ZNF407: variants seen among roughly 807,000 people sequenced by gnomAD.
ZNF407 encodes the protein zinc finger protein 407.
A neutral mutation model predicts 131.2 loss-of-function variants in ZNF407; 17 were observed. The ratio of observed to expected loss-of-function variants is 0.13; its 90% CI spans 0.09 to 0.19. The LOEUF (loss-of-function observed/expected upper bound fraction) is 0.19. ZNF407 is among the 10% of genes least tolerant of loss of function. ZNF407 has a pLI of 1.00. For synonymous variants in ZNF407, 1,156 were observed against 1,062.0 expected (o/e 1.09, Z -1.72); for missense variants, 2,681 against 2,830.6 (o/e 0.95, Z 1.20).
intron 8 of ZNF407, among the ~76,000 whole-genome samples, chr18:74,999,926 G>A (rs1448304540): frequency 2.6e-5 from 4 of 152,196 alleles, no homozygotes; most frequent in Non-Finnish European, 5.9e-5. Context: ...GATAGCTTGT[G>A]ATTTCCCTGA....
chr18:74,920,914 G>C, intron 8 of ZNF407: 7 of 1,217,818 alleles, frequency 5.7e-6, no homozygotes, highest in Non-Finnish European at 6.1e-6. Flanking sequence ...ATCTGACAGA[G>C]TAATTATTTG....
intron 8 of ZNF407, among the ~76,000 whole-genome samples, chr18:74,931,927 A>T (rs1249754863): frequency 6.6e-6 from 1 of 151,942 alleles, no homozygotes; most frequent in Non-Finnish European, 1.5e-5. Context: ...TATATTTTTG[A>T]CCTGAGACCT....
chr18:74,828,417 G>C (rs531657196), intron 4 of ZNF407, among the ~76,000 whole-genome samples: 19 of 152,262 alleles, frequency 1.2e-4, no homozygotes, highest in African/African-American at 4.6e-4. Context: ...CCACATAGCT[G>C]TTACTCTCCT....
intron 5 of ZNF407, 72 bp from the exon 6 acceptor site, chr18:74,880,964 T>C: frequency 7.6e-7 from 1 of 1,321,384 alleles, no homozygotes; most frequent in Non-Finnish European, 1.1e-6. Flanking sequence ...TTAGTAACCC[T>C]GAAAGCCTTG....
At chr18:74,756,037 G>T (rs1198448932) in intron 3 of ZNF407, among the ~76,000 whole-genome samples, 2 of 150,804 alleles carry the variant, frequency 1.3e-5, no homozygotes, top group Non-Finnish European at 3.0e-5. Flanking sequence ...GGGATTGCAG[G>T]TGCGCACCAC....
chr18:74,627,484 G>T (rs960941575), intron 1 of ZNF407, among the ~76,000 whole-genome samples: 1 of 152,054 alleles, frequency 6.6e-6, no homozygotes, highest in Non-Finnish European at 1.5e-5. Context: ...GAGCATTTCT[G>T]TCCCCCTCCC....
chr18:74,816,517 C>G (rs2145095572), intron 4 of ZNF407, among the ~76,000 whole-genome samples: 1 of 152,240 alleles, frequency 6.6e-6, no homozygotes, highest in East Asian at 1.9e-4. Context: ...ATGTTTATGG[C>G]TCTTAATCTT....
At chr18:74,905,259 G>A (rs1032579291) in intron 7 of ZNF407, 3 of 152,196 alleles carry the variant, frequency 2.0e-5, no homozygotes, top group African/African-American at 7.2e-5. Flanking sequence ...CATATAAACC[G>A]AAGCAGTAAT....
chr18:74,945,581 T>G (rs1234589102), intron 8 of ZNF407, among the ~76,000 whole-genome samples: 1 of 152,210 alleles, frequency 6.6e-6, no homozygotes, highest in Admixed American at 6.5e-5. Flanking sequence ...CTGAACCATG[T>G]TTTAAAAGCC....
chr18:74,907,758 A>G (rs1226616570), intron 7 of ZNF407, among the ~76,000 whole-genome samples: 1 of 152,152 alleles, frequency 6.6e-6, no homozygotes, highest in East Asian at 1.9e-4. Flanking sequence ...TGACTTGTGG[A>G]TCATCTAGAA....
At chr18:74,603,019 C>T (rs1288562046) in intron 1 of ZNF407, among the ~76,000 whole-genome samples, 4 of 152,066 alleles carry the variant, frequency 2.6e-5, no homozygotes, top group East Asian at 1.9e-4. Context: ...CCAGGCAGCC[C>T]GGCAGATCAT....
At chr18:74,848,477 G>T (rs1970733226) in intron 4 of ZNF407, among the ~76,000 whole-genome samples, 1 of 152,138 alleles carries the variant, frequency 6.6e-6, no homozygotes, top group South Asian at 2.1e-4. Flanking sequence ...CAAGATGATG[G>T]CTGCTGTAAT....
chr18:74,808,724 A>C (rs1970150740), intron 4 of ZNF407, among the ~76,000 whole-genome samples: 2 of 152,276 alleles, frequency 1.3e-5, no homozygotes, highest in South Asian at 4.2e-4. Context: ...TTTAAAGTTA[A>C]TCTAATTCTA....
At chr18:74,630,549 C>T (rs1209321791) in intron 1 of ZNF407, among the ~76,000 whole-genome samples, 1 of 152,118 alleles carries the variant, frequency 6.6e-6, no homozygotes, top group African/African-American at 2.4e-5. Flanking sequence ...GAAGGCCTCA[C>T]TTCTAGACTT....
At chr18:74,993,685 A>G (rs964718373) in intron 8 of ZNF407, among the ~76,000 whole-genome samples, 2 of 152,240 alleles carry the variant, frequency 1.3e-5, no homozygotes, top group African/African-American at 4.8e-5. Context: ...AAGAAACAAA[A>G]AAATACGCAG....
At chr18:74,721,042 T>C (rs146999466) in intron 3 of ZNF407, among the ~76,000 whole-genome samples, 364 of 151,992 alleles carry the variant, frequency 2.4e-3, no homozygotes, top group African/African-American at 8.3e-3. Flanking sequence ...ATGTCGTTGG[T>C]ATTTTGATAG....
Position 74,779,946 on chromosome 18 carries a change from A to G in ZNF407, c.4803-1482A>G, listed in dbSNP as rs113033992. 1.4e-3 allele frequency among the ~76,000 whole-genome samples: 217 copies of G among 152,182 alleles called. 1 individual carries two copies. The highest frequency in any genetic ancestry group is 4.9e-3 in the African/African-American group (205 of 41,550). On this transcript the variant is annotated intron_variant, in intron 3 of 8. Coordinates refer to ENST00000299687, the MANE Select transcript of ZNF407 (RefSeq NM_017757.3). ...AAGTTATGACTTAAATTCATTTATT[A>G]TCACTGTGTTCTTTTTTAAGGAAAT...
At chr18:74,722,775 T>C (rs763862973) in intron 3 of ZNF407, among the ~76,000 whole-genome samples, 1 of 152,220 alleles carries the variant, frequency 6.6e-6, no homozygotes, top group Non-Finnish European at 1.5e-5. Context: ...TTGAAATTGT[T>C]GCTGTTGACA....
intron 4 of ZNF407, among the ~76,000 whole-genome samples, chr18:74,840,898 A>G (rs148238188): frequency 1.6e-3 from 249 of 152,312 alleles, no homozygotes; most frequent in Middle Eastern, 0.014. Flanking sequence ...GTCTTCCCTC[A>G]TGGGATCTCT....
Sources: gnomAD v4.1 joint callset for allele counts (sites outside exome capture counted in the v4.1 genomes callset) on GRCh38, gnomAD v4.1.1 for gene constraint, MANE v1.5 for transcripts, NCBI Gene and HGNC (gene_info 2026-07-23, HGNC 2026-07-21) for gene names.